Variants in PCSK2 observed in about 807,000 individuals in gnomAD.
The protein encoded by PCSK2 is neuroendocrine convertase 2.
PCSK2 carries 14 observed loss-of-function variants against 69.7 expected under a neutral mutation model. The observed-to-expected ratio is 0.20, with a 90% confidence interval of 0.13 to 0.31. The LOEUF (loss-of-function observed/expected upper bound fraction) is 0.31. Among genes scored for constraint, PCSK2 ranks in the 10% least tolerant of loss-of-function variants. The probability of loss-of-function intolerance (pLI) is 1.00; values close to 1 mark genes in which losing one functional copy is unlikely to be tolerated. For missense variants in PCSK2, 544 were observed against 842.5 expected (o/e 0.65, Z 4.39); for synonymous variants, 307 against 320.7 (o/e 0.96, Z 0.46).
intron 2 of PCSK2, among the ~76,000 whole-genome samples, chr20:17,322,663 GTC>G (rs1346484357): frequency 6.6e-6 from 1 of 152,204 alleles, no homozygotes; most frequent in Non-Finnish European, 1.5e-5. Flanking sequence ...CAGGAGCCCA[GTC>G]TCTCCTTCCA....
chr20:17,236,856 T>C (rs1986359891), intron 1 of PCSK2, among the ~76,000 whole-genome samples: 1 of 152,110 alleles, frequency 6.6e-6, no homozygotes, highest in South Asian at 2.1e-4. Context: ...GGAATCACAA[T>C]TATTTCAGAG....
At chr20:17,281,083 G>C (rs1475011624) in intron 2 of PCSK2, among the ~76,000 whole-genome samples, 1 of 152,172 alleles carries the variant, frequency 6.6e-6, no homozygotes, top group Non-Finnish European at 1.5e-5. Flanking sequence ...TTACTTGAAA[G>C]TATAGTAACC....
intron 2 of PCSK2, among the ~76,000 whole-genome samples, chr20:17,278,954 C>T (rs902623021): frequency 7.2e-5 from 11 of 152,068 alleles, no homozygotes; most frequent in Admixed American, 3.3e-4. Context: ...AAACGCATCC[C>T]CTAAACGATC....
chr20:17,393,975 C>T (rs1209602415), intron 5 of PCSK2, among the ~76,000 whole-genome samples: 5 of 152,246 alleles, frequency 3.3e-5, no homozygotes, highest in South Asian at 4.1e-4. Flanking sequence ...GTTGCTCTAC[C>T]GAATTCCAAA....
Position 17,465,642 on chromosome 20 carries a change from C to T in PCSK2, c.1430+89C>T, listed in dbSNP as rs1444444907. On this transcript the variant is annotated intron_variant, in intron 11 of 11. Coordinates refer to ENST00000262545, the MANE Select transcript of PCSK2 (RefSeq NM_002594.5). ...TTGGCATAATATCACATTCCCTCTT[C>T]ATGTTTGGGTCAACTGTATTTTTTG... The T allele has an allele frequency of 5.1e-6, 4 of 791,566 alleles. No homozygotes were observed. The African/African-American group carries it at 7.0e-5, about 14-fold the overall frequency. 49.0% of individuals were successfully genotyped at this position (791,566 alleles called of 1,614,324 possible).
At chr20:17,447,270 C>CAAAAAA (rs386393432) in intron 8 of PCSK2, among the ~76,000 whole-genome samples, 7 of 127,676 alleles carry the variant, frequency 5.5e-5, no homozygotes, top group Non-Finnish European at 9.9e-5. Flanking sequence ...TACTCTGTCT[C>CAAAAAA]AAAAAAAAAA....
intron 8 of PCSK2, among the ~76,000 whole-genome samples, chr20:17,451,406 C>T (rs1007305426): frequency 2.6e-5 from 4 of 152,110 alleles, no homozygotes; most frequent in Non-Finnish European, 5.9e-5. Flanking sequence ...ACTGACGGAT[C>T]GAGGATGGCT....
chr20:17,261,236 G>A (rs1470796886), intron 2 of PCSK2, among the ~76,000 whole-genome samples: 3 of 152,216 alleles, frequency 2.0e-5, no homozygotes, highest in African/African-American at 7.2e-5. Flanking sequence ...TGAAGGCAGC[G>A]TAACCTCTTT....
At chr20:17,271,640 C>T (rs537249046) in intron 2 of PCSK2, among the ~76,000 whole-genome samples, 1 of 152,042 alleles carries the variant, frequency 6.6e-6, no homozygotes, top group Non-Finnish European at 1.5e-5. Context: ...CCTGAGTGTA[C>T]ACACCCTCTT....
intron 5 of PCSK2, among the ~76,000 whole-genome samples, chr20:17,392,168 C>G (rs1019101077): frequency 2.0e-5 from 3 of 152,070 alleles, no homozygotes; most frequent in East Asian, 1.9e-4. Context: ...TTTCTAAACT[C>G]GAGAGAATAT....
intron 6 of PCSK2, among the ~76,000 whole-genome samples, chr20:17,427,400 C>A (rs560130445): frequency 1.2e-4 from 18 of 151,976 alleles, no homozygotes; most frequent in Non-Finnish European, 2.2e-4. Context: ...CACAGGGTTG[C>A]GCACAGGGCC....
At chr20:17,298,667 TC>T (rs1283023669) in intron 2 of PCSK2, among the ~76,000 whole-genome samples, 1 of 152,196 alleles carries the variant, frequency 6.6e-6, no homozygotes, top group East Asian at 1.9e-4. Flanking sequence ...TTCCTGTTTA[TC>T]CCTCGACGGG....
At chr20:17,278,020 A>T (rs1302797282) in intron 2 of PCSK2, among the ~76,000 whole-genome samples, 3 of 152,186 alleles carry the variant, frequency 2.0e-5, no homozygotes, top group Non-Finnish European at 4.4e-5. Flanking sequence ...CCACAATGAG[A>T]TACCATCTCA....
intron 2 of PCSK2, among the ~76,000 whole-genome samples, chr20:17,314,274 G>A (rs996275240): frequency 2.3e-4 from 35 of 152,012 alleles, no homozygotes; most frequent in Non-Finnish European, 4.3e-4. Context: ...GTGTTTCAGC[G>A]GGCATCAACT....
chr20:17,422,462 T>C (rs2032153329), intron 6 of PCSK2, among the ~76,000 whole-genome samples: 1 of 152,180 alleles, frequency 6.6e-6, no homozygotes, highest in African/African-American at 2.4e-5. Context: ...GATAAGAAGA[T>C]GGAACAATAT....
intron 5 of PCSK2, among the ~76,000 whole-genome samples, chr20:17,383,906 T>A (rs1719511266): frequency 6.6e-6 from 1 of 152,244 alleles, no homozygotes; most frequent in Non-Finnish European, 1.5e-5. Flanking sequence ...ATTCTATCTG[T>A]TCCTCACAGG....
intron 6 of PCSK2, among the ~76,000 whole-genome samples, chr20:17,423,202 A>G (rs766229292): frequency 2.2e-4 from 34 of 152,220 alleles, no homozygotes; most frequent in Non-Finnish European, 2.9e-5. Flanking sequence ...TTAGGGAGAC[A>G]TAAGACATTA....
chr20:17,384,702 G>C (rs2031187089), intron 5 of PCSK2, among the ~76,000 whole-genome samples: 2 of 152,144 alleles, frequency 1.3e-5, no homozygotes, highest in South Asian at 4.1e-4. Flanking sequence ...GGGAGACTAG[G>C]GTGGGAGTAT....
intron 1 of PCSK2, among the ~76,000 whole-genome samples, chr20:17,236,400 T>C (rs1411378016): frequency 1.3e-5 from 2 of 152,166 alleles, no homozygotes; most frequent in African/African-American, 2.4e-5. Flanking sequence ...AGGTTACATA[T>C]ATTTAATTAC....
Sources: gnomAD v4.1 joint callset for allele counts (sites outside exome capture counted in the v4.1 genomes callset) on GRCh38, gnomAD v4.1.1 for gene constraint, MANE v1.5 for transcripts, NCBI Gene and HGNC (gene_info 2026-07-23, HGNC 2026-07-21) for gene names.